The following SNAP25 variants were observed in gnomAD, a reference collection of about 807,000 sequenced individuals.
SNAP25 encodes the protein synaptosome associated protein 25.
Under a neutral mutation model 28.7 loss-of-function variants are expected in SNAP25, and 3 were observed. The ratio of observed to expected loss-of-function variants is 0.10; its 90% CI spans 0.05 to 0.27. SNAP25 has a LOEUF of 0.27. Ranked by LOEUF, SNAP25 falls within the 10% of genes least tolerant of loss-of-function variation. SNAP25 has a pLI of 1.00. For synonymous variants in SNAP25, 61 were observed against 88.1 expected, an observed-to-expected ratio of 0.69 and a Z score of 1.72; for missense variants, 117 against 278.7, an observed-to-expected ratio of 0.42 and a Z score of 4.13.
intron 1 of SNAP25, among the ~76,000 whole-genome samples, chr20:10,270,190 G>T (rs2063569675): frequency 6.6e-6 from 1 of 152,108 alleles, no homozygotes; most frequent in Admixed American, 6.5e-5. Context: ...GGAGGCAGAG[G>T]TTGTGGTGAG....
chr20:10,284,893 G>T, intron 4 of SNAP25, 121 bp downstream of exon 4: 1 of 747,536 alleles, frequency 1.3e-6, no homozygotes, highest in South Asian at 1.7e-5. Flanking sequence ...GAATGTGAGG[G>T]TTCTAGATTT....
At chr20:10,236,806 G>T (rs363028) in intron 1 of SNAP25, among the ~76,000 whole-genome samples, 3,540 of 152,022 alleles carry the variant, frequency 0.023, 100 homozygotes, top group African/African-American at 0.063. Flanking sequence ...GCCTAGCCAG[G>T]CACTTCCATA....
intron 4 of SNAP25, among the ~76,000 whole-genome samples, chr20:10,288,134 A>C (rs1292603577): frequency 6.6e-6 from 1 of 152,152 alleles, no homozygotes; most frequent in Non-Finnish European, 1.5e-5. Context: ...CATTGTGCAC[A>C]TGTACCCTAA....
chr20:10,263,009 CTTTTTTTT>C (rs57690835), intron 1 of SNAP25, among the ~76,000 whole-genome samples: 24 of 50,644 alleles, frequency 4.7e-4, no homozygotes, highest in Non-Finnish European at 7.2e-4. Flanking sequence ...CTGGGGTGCT[CTTTTTTTT>C]TTTTTTTTTT....
chr20:10,306,826 GCAA>G lies in SNAP25; in HGVS notation c.*638_*640del, dbSNP rs978014934. The G allele has an allele frequency of 1.4e-3, 221 of 154,562 alleles. No homozygotes were observed. Among genetic ancestry groups the G allele is most frequent in the African/African-American group, 5.1e-3 (210 of 41,554 alleles). 9.6% of individuals were successfully genotyped at this position (154,562 alleles called of 1,614,324 possible). ...CAACACACACACACACAAAACAACA[GCAA>G]CAACAACAGAACAACAACAAAGCAT... On this transcript the variant is annotated 3_prime_UTR_variant, in exon 8 of 8. Coordinates refer to ENST00000254976, the MANE Select transcript of SNAP25 (RefSeq NM_130811.4).
In SNAP25 at chr20:10,300,052, C is replaced by T. The variant is rs967622623; in HGVS notation, c.552+640C>T. ...TATCCAGGTTCCATTTCCAGTTTAA[C>T]AGTTCACATCCCCAGTTCTAAAAAC... is the stretch of plus-strand genomic sequence containing the variant. On this transcript the variant is annotated intron_variant, in intron 7 of 7. Transcript: ENST00000254976. Among the ~76,000 whole-genome samples the T allele has an allele frequency of 7.2e-5, 11 of 152,230 alleles. No homozygotes were observed. The East Asian group carries it at 1.4e-3, about 19-fold the overall frequency.
chr20:10,236,923 A>T (rs2062932596), intron 1 of SNAP25, among the ~76,000 whole-genome samples: 1 of 151,882 alleles, frequency 6.6e-6, no homozygotes, highest in African/African-American at 2.4e-5. Context: ...CAGTTCCTGC[A>T]CCAGCTTCAG....
At chr20:10,301,939 A>G (rs146090196) in intron 7 of SNAP25, among the ~76,000 whole-genome samples, 9 of 148,704 alleles carry the variant, frequency 6.1e-5, no homozygotes, top group African/African-American at 2.2e-4. Context: ...TATAAAAATA[A>G]CCATATATAG....
At position 10,296,909 on chromosome 20, in the gene SNAP25, C is replaced by T; in HGVS notation, c.282-16C>T. 1 of 1,613,888 alleles carries T rather than the reference C, an allele frequency of 6.2e-7. No individual in the cohort carries two copies. The highest frequency in any genetic ancestry group is 8.5e-7 in the Non-Finnish European group (1 of 1,179,934). The stretch of plus-strand genomic sequence containing the variant: ...TCCACCCCTGTGCCTTGTCACTCAC[C>T]CTCTCTTTTGCATAGGCTTAAATCA... On this transcript the variant is annotated splice_polypyrimidine_tract_variant and intron_variant, in intron 5 of 7. Coordinates refer to ENST00000254976, the MANE Select transcript of SNAP25 (RefSeq NM_130811.4).
intron 1 of SNAP25, among the ~76,000 whole-genome samples, chr20:10,233,660 G>C (rs1446906436): frequency 6.6e-6 from 1 of 152,156 alleles, no homozygotes; most frequent in Non-Finnish European, 1.5e-5. Flanking sequence ...TCTCTCTCAA[G>C]GTGGAAGAAC....
At chr20:10,294,005 T>A (rs1600776917) in intron 5 of SNAP25, among the ~76,000 whole-genome samples, 1 of 152,230 alleles carries the variant, frequency 6.6e-6, no homozygotes. Context: ...TTTTTTGGAA[T>A]GTAGCAGAAA....
At chr20:10,268,352 G>A (rs2063538556) in intron 1 of SNAP25, among the ~76,000 whole-genome samples, 1 of 152,166 alleles carries the variant, frequency 6.6e-6, no homozygotes, top group South Asian at 2.1e-4. Context: ...CAAGATGTAG[G>A]TTTTGGCTCT....
intron 1 of SNAP25, among the ~76,000 whole-genome samples, chr20:10,258,547 T>C (rs1352727052): frequency 1.3e-5 from 2 of 152,202 alleles, no homozygotes; most frequent in Non-Finnish European, 2.9e-5. Context: ...TCTCAGAACA[T>C]GCGCTCTGTG....
At chr20:10,234,446 G>T (rs1196702773) in intron 1 of SNAP25, among the ~76,000 whole-genome samples, 1 of 152,206 alleles carries the variant, frequency 6.6e-6, no homozygotes, top group African/African-American at 2.4e-5. Context: ...GCTAGTACTG[G>T]ATTTACAAAA....
rs145586798 is a variant in SNAP25 at position 10,303,487 on chromosome 20, A to C, written c.553-2642A>C. On this transcript the variant is annotated intron_variant, in intron 7 of 7. Transcript: ENST00000254976. ...GAACATGGATAATTCTAATGTCCTG[A>C]GAATTCACGATATGAACTGAATACA... is the stretch of plus-strand genomic sequence containing the variant. Among the ~76,000 whole-genome samples, 1,208 of 152,318 alleles carry C rather than the reference A, an allele frequency of 7.9e-3. 17 individuals are homozygous for C. The highest frequency in any genetic ancestry group is 0.028 in the African/African-American group (1,152 of 41,562).
At chr20:10,250,849 T>G (rs991353157) in intron 1 of SNAP25, among the ~76,000 whole-genome samples, 2 of 152,190 alleles carry the variant, frequency 1.3e-5, no homozygotes, top group Non-Finnish European at 2.9e-5. Context: ...TACTTACTAT[T>G]GTGTTATAGT....
chr20:10,268,753 T>G (rs1419572708), intron 1 of SNAP25, among the ~76,000 whole-genome samples: 2 of 152,212 alleles, frequency 1.3e-5, no homozygotes, highest in Non-Finnish European at 2.9e-5. Flanking sequence ...CAGATAGACT[T>G]AAGTGTAGCA....
At chr20:10,285,375 T>C (rs1158056679) in intron 4 of SNAP25, among the ~76,000 whole-genome samples, 2 of 152,236 alleles carry the variant, frequency 1.3e-5, no homozygotes, top group Non-Finnish European at 2.9e-5. Flanking sequence ...AGCATTTTAA[T>C]ATAGCATCTC....
At chr20:10,304,110 A>C (rs1216404602) in intron 7 of SNAP25, among the ~76,000 whole-genome samples, 1 of 152,216 alleles carries the variant, frequency 6.6e-6, no homozygotes, top group Non-Finnish European at 1.5e-5. Flanking sequence ...CAAATTGAAT[A>C]GTAAGTGATG....
Sources: gnomAD v4.1 joint callset for allele counts (sites outside exome capture counted in the v4.1 genomes callset) on GRCh38, gnomAD v4.1.1 for gene constraint, MANE v1.5 for transcripts, NCBI Gene and HGNC (gene_info 2026-07-23, HGNC 2026-07-21) for gene names.